CDK19: variants seen among roughly 807,000 people sequenced by gnomAD.
CDK19 encodes the protein cyclin dependent kinase 19.
Under a neutral mutation model 68.3 loss-of-function variants are expected in CDK19, and 20 were observed. The observed-to-expected ratio is 0.29, with a 90% CI of 0.21 to 0.43. CDK19 has a LOEUF of 0.43. Ranked by LOEUF, CDK19 falls within the 20% of genes least tolerant of loss-of-function variation. The pLI is 1.00. For missense variants in CDK19, 339 were observed against 623.5 expected (o/e 0.54, Z 4.86); for synonymous variants, 221 against 222.8 (o/e 0.99, Z 0.07).
intron 1 of CDK19, 135 bp from the exon 2 acceptor site, chr6:110,746,336 T>C (rs1468208638): frequency 6.2e-6 from 3 of 484,068 alleles, no homozygotes; most frequent in Non-Finnish European, 7.3e-6. Context: ...TATTGCTTAT[T>C]ATTTTTGATA....
At chr6:110,790,570 T>C (rs1319840635) in intron 1 of CDK19, among the ~76,000 whole-genome samples, 1 of 151,958 alleles carries the variant, frequency 6.6e-6, no homozygotes, top group Non-Finnish European at 1.5e-5. Context: ...ATAAATTATA[T>C]AGGTTATTAA....
At chr6:110,752,908 T>G (rs965375137) in intron 1 of CDK19, among the ~76,000 whole-genome samples, 10 of 126,262 alleles carry the variant, frequency 7.9e-5, no homozygotes, top group African/African-American at 2.5e-4. Context: ...TATCTCGGGT[T>G]TTTTTTGTTT....
At chr6:110,672,535 G>C (rs998206353) in intron 2 of CDK19, among the ~76,000 whole-genome samples, 2 of 152,134 alleles carry the variant, frequency 1.3e-5, no homozygotes, top group African/African-American at 4.8e-5. Context: ...GTATATACAA[G>C]GTTATATATT....
intron 4 of CDK19, chr6:110,643,437 AT>A (rs1562152221): frequency 1.3e-5 from 2 of 152,302 alleles, no homozygotes; most frequent in Admixed American, 6.5e-5. Context: ...ATTAAATTAA[AT>A]AAACCAGGCA....
intron 2 of CDK19, among the ~76,000 whole-genome samples, chr6:110,727,810 T>TA (rs530437032): frequency 0.028 from 4,074 of 144,430 alleles, 75 homozygotes; most frequent in South Asian, 0.086. Flanking sequence ...TCATCTCTAC[T>TA]AAAAAAAAAA....
intron 2 of CDK19, among the ~76,000 whole-genome samples, chr6:110,724,864 G>C (rs1776212555): frequency 6.6e-6 from 1 of 151,950 alleles, no homozygotes; most frequent in Non-Finnish European, 1.5e-5. Context: ...AAACACCTAG[G>C]TGGAAAATGA....
intron 1 of CDK19, among the ~76,000 whole-genome samples, chr6:110,806,497 TTAAC>T (rs1174708053): frequency 6.6e-6 from 1 of 152,166 alleles, no homozygotes; most frequent in Non-Finnish European, 1.5e-5. Context: ...TTCTAGGACT[TTAAC>T]TTACAGACAC....
At chr6:110,681,906 T>C (rs1483641567) in intron 2 of CDK19, among the ~76,000 whole-genome samples, 3 of 152,228 alleles carry the variant, frequency 2.0e-5, no homozygotes, top group Non-Finnish European at 4.4e-5. Context: ...TAAGTAGCTA[T>C]TTTTAAAGTG....
At chr6:110,652,786 T>C (rs548465869) in intron 4 of CDK19, among the ~76,000 whole-genome samples, 1 of 152,240 alleles carries the variant, frequency 6.6e-6, no homozygotes, top group South Asian at 2.1e-4. Flanking sequence ...ATCTCTTTTC[T>C]AGTACTGAAG....
chr6:110,690,417 C>T (rs1005995424), intron 2 of CDK19, among the ~76,000 whole-genome samples: 4 of 152,082 alleles, frequency 2.6e-5, no homozygotes, highest in African/African-American at 9.7e-5. Flanking sequence ...ACCTTTCCCC[C>T]GTAAGACCTC....
intron 1 of CDK19, among the ~76,000 whole-genome samples, chr6:110,763,414 G>GT (rs1171650120): frequency 0.069 from 8,302 of 119,954 alleles, 477 homozygotes; most frequent in African/African-American, 0.13. Flanking sequence ...CTCTTATTAT[G>GT]TTTTTTTTTT....
chr6:110,644,627 C>T (rs1274475492), intron 4 of CDK19, among the ~76,000 whole-genome samples: 1 of 152,120 alleles, frequency 6.6e-6, no homozygotes, highest in East Asian at 1.9e-4. Context: ...TCATGTAACC[C>T]ATAAATATAC....
intron 2 of CDK19, among the ~76,000 whole-genome samples, chr6:110,688,068 C>T (rs999518668): frequency 7.2e-5 from 11 of 152,130 alleles, no homozygotes; most frequent in South Asian, 2.1e-4. Flanking sequence ...ACACCCACAA[C>T]GGGGAAAGGT....
At chr6:110,727,559 T>C (rs1392222633) in intron 2 of CDK19, among the ~76,000 whole-genome samples, 5 of 152,182 alleles carry the variant, frequency 3.3e-5, no homozygotes, top group Non-Finnish European at 7.3e-5. Context: ...ACTGAGATCA[T>C]AATTGTCTCT....
chr6:110,749,350 T>C (rs1453933271), intron 1 of CDK19, among the ~76,000 whole-genome samples: 2 of 152,134 alleles, frequency 1.3e-5, no homozygotes, highest in East Asian at 3.8e-4. Context: ...AGACCAATTC[T>C]ATTAGGTCTT....
intron 5 of CDK19, among the ~76,000 whole-genome samples, chr6:110,634,839 A>C (rs1779661087): frequency 1.3e-5 from 2 of 152,244 alleles, no homozygotes; most frequent in African/African-American, 4.8e-5. Context: ...AGTTAGCTAA[A>C]GCCAGTATTT....
intron 1 of CDK19, among the ~76,000 whole-genome samples, chr6:110,771,139 A>T (rs552814349): frequency 6.6e-6 from 1 of 152,258 alleles, no homozygotes; most frequent in South Asian, 2.1e-4. Context: ...CAGCTCCACT[A>T]GCCTGTGCCC....
chr6:110,789,914 A>G (rs541920326), intron 1 of CDK19, among the ~76,000 whole-genome samples: 1 of 152,216 alleles, frequency 6.6e-6, no homozygotes, highest in African/African-American at 2.4e-5. Flanking sequence ...CTTATCAGAA[A>G]AAGTTCAGGT....
intron 2 of CDK19, among the ~76,000 whole-genome samples, chr6:110,689,298 C>G (rs911681307): frequency 1.3e-5 from 2 of 152,140 alleles, no homozygotes; most frequent in Admixed American, 6.5e-5. Context: ...TGAGCCCCCA[C>G]CTGGCTTTGC....
Sources: gnomAD v4.1 joint callset for allele counts (sites outside exome capture counted in the v4.1 genomes callset) on GRCh38, gnomAD v4.1.1 for gene constraint, MANE v1.5 for transcripts, NCBI Gene and HGNC (gene_info 2026-07-23, HGNC 2026-07-21) for gene names.